The following SLC25A48 variants were observed in gnomAD, a reference collection of about 807,000 sequenced individuals.
SLC25A48 encodes CTC-321K16.1.
In SLC25A48, 29 loss-of-function variants were observed where a neutral mutation model predicts 32.2. The ratio of observed to expected loss-of-function variants is 0.90; its 90% CI spans 0.67 to 1.23. SLC25A48 has a LOEUF of 1.23. Ranked by LOEUF, SLC25A48 falls within the 50% of genes most tolerant of loss-of-function variation. SLC25A48 has a pLI of 0.00. For synonymous variants in SLC25A48, 164 were observed against 172.3 expected (o/e 0.95, Z 0.38); for missense variants, 399 against 422.7 (o/e 0.94, Z 0.49).
At chr5:135,842,296 C>T (rs993699378) in intron 1 of SLC25A48, 120 bp from the exon 2 acceptor site, 3 of 1,015,822 alleles carry the variant, frequency 3.0e-6, no homozygotes, top group Admixed American at 1.7e-5. Flanking sequence ...AGCCCACCCA[C>T]TCCCCCTACC....
intron 3 of SLC25A48, among the ~76,000 whole-genome samples, chr5:135,792,938 A>C (rs1757068600): frequency 6.6e-6 from 1 of 151,636 alleles, no homozygotes; most frequent in African/African-American, 2.4e-5. Flanking sequence ...GAAAGATATT[A>C]TTCATTATGT....
chr5:135,792,890 G>A (rs992111534), intron 3 of SLC25A48, among the ~76,000 whole-genome samples: 1 of 151,644 alleles, frequency 6.6e-6, no homozygotes, highest in Non-Finnish European at 1.5e-5. Context: ...TAATATCACA[G>A]TGGGTGTACA....
intron 1 of SLC25A48, among the ~76,000 whole-genome samples, chr5:135,603,863 G>GGAGGTGA (rs1751864108): frequency 6.6e-6 from 1 of 152,104 alleles, no homozygotes; most frequent in Non-Finnish European, 1.5e-5. Flanking sequence ...CTGTGAAGTG[G>GGAGGTGA]GAGGTGGGAG....
chr5:135,589,035 A>G (rs927832121), intron 1 of SLC25A48, among the ~76,000 whole-genome samples: 24 of 152,214 alleles, frequency 1.6e-4, no homozygotes, highest in Admixed American at 5.2e-4. Context: ...GGAACTTTCC[A>G]TCCTTCCCAG....
At chr5:135,796,362 G>A (rs1757176490) in intron 3 of SLC25A48, among the ~76,000 whole-genome samples, 1 of 151,242 alleles carries the variant, frequency 6.6e-6, no homozygotes, top group South Asian at 2.1e-4. Context: ...ATATCCAGTA[G>A]GGGAGAGTGT....
chr5:135,666,751 T>A (rs934914563), intron 3 of SLC25A48, among the ~76,000 whole-genome samples: 2 of 152,104 alleles, frequency 1.3e-5, no homozygotes, highest in Non-Finnish European at 2.9e-5. Context: ...TTGTAAGGAA[T>A]CTGGGGATCA....
At chr5:135,836,771 A>G (rs1258317970) in intron 1 of SLC25A48, among the ~76,000 whole-genome samples, 1 of 152,138 alleles carries the variant, frequency 6.6e-6, no homozygotes, top group African/African-American at 2.4e-5. Flanking sequence ...GTACCGTTGC[A>G]TCCTTATTTT....
chr5:135,811,499 A>G (rs1407410450), intron 3 of SLC25A48, among the ~76,000 whole-genome samples: 1 of 152,228 alleles, frequency 6.6e-6, no homozygotes, highest in African/African-American at 2.4e-5. Flanking sequence ...CTGTTGTACA[A>G]CATGGTGACC....
chr5:135,584,385 A>G (rs1319955055), intron 1 of SLC25A48, among the ~76,000 whole-genome samples: 5 of 152,238 alleles, frequency 3.3e-5, no homozygotes, highest in Non-Finnish European at 5.9e-5. Flanking sequence ...TTCATCAAAG[A>G]ACATGCATCC....
Position 135,778,383 on chromosome 5 carries a change from G to A in SLC25A48, c.-520-34140G>A, listed in dbSNP as rs547778149. ...AGATGTACACCCCCGATGTGATATC[G>A]TTCCTAATATTCTGAAATGAGAAGA... On this transcript the variant is annotated intron_variant, in intron 3 of 10. Coordinates refer to the SLC25A48 transcript ENST00000646290. Among the ~76,000 whole-genome samples the A allele has an allele frequency of 2.0e-3, 299 of 151,338 alleles. 1 individual carries two copies. The highest frequency in any genetic ancestry group is 6.7e-3 in the African/African-American group (277 of 41,220).
At chr5:135,873,359 G>A (rs1448785256) in intron 5 of SLC25A48, among the ~76,000 whole-genome samples, 1 of 152,182 alleles carries the variant, frequency 6.6e-6, no homozygotes, top group Non-Finnish European at 1.5e-5. Context: ...TTTTCCTAGA[G>A]TTCCTTACCT....
At chr5:135,769,573 A>T (rs1229983991) in intron 3 of SLC25A48, among the ~76,000 whole-genome samples, 2 of 151,494 alleles carry the variant, frequency 1.3e-5, no homozygotes, top group African/African-American at 4.8e-5. Flanking sequence ...GGAGAGAATG[A>T]TCTTACTCTG....
chr5:135,795,663 T>G (rs746787387), intron 3 of SLC25A48, among the ~76,000 whole-genome samples: 9 of 151,610 alleles, frequency 5.9e-5, no homozygotes, highest in Admixed American at 1.3e-4. Context: ...TGGTTCATAA[T>G]ATTCAGGGGG....
At chr5:135,819,750 C>A (rs999264966) in intron 4 of SLC25A48, among the ~76,000 whole-genome samples, 3 of 151,978 alleles carry the variant, frequency 2.0e-5, no homozygotes, top group African/African-American at 4.8e-5. Context: ...TTAATTATAA[C>A]AATAAAGTTA....
chr5:135,776,417 C>G (rs1756562912), intron 3 of SLC25A48, among the ~76,000 whole-genome samples: 1 of 151,582 alleles, frequency 6.6e-6, no homozygotes, highest in Non-Finnish European at 1.5e-5. Flanking sequence ...TGATATTGTT[C>G]CAAATATAAA....
At chr5:135,836,223 G>C (rs1374674266) in intron 1 of SLC25A48, among the ~76,000 whole-genome samples, 2 of 152,134 alleles carry the variant, frequency 1.3e-5, no homozygotes, top group African/African-American at 2.4e-5. Flanking sequence ...ATCCCCAAAC[G>C]TGATAACATG....
intron 3 of SLC25A48, among the ~76,000 whole-genome samples, chr5:135,808,531 T>G (rs1404849601): frequency 6.6e-6 from 1 of 152,102 alleles, no homozygotes; most frequent in Non-Finnish European, 1.5e-5. Flanking sequence ...CCAAATCTTT[T>G]TCATCCATCT....
intron 3 of SLC25A48, among the ~76,000 whole-genome samples, chr5:135,791,521 C>A (rs1479129313): frequency 2.0e-5 from 3 of 151,386 alleles, no homozygotes; most frequent in African/African-American, 7.3e-5. Flanking sequence ...GGGGTGTACA[C>A]CCAGTGATAT....
intron 1 of SLC25A48, among the ~76,000 whole-genome samples, chr5:135,586,149 C>G (rs901407193): frequency 6.6e-6 from 1 of 152,158 alleles, no homozygotes; most frequent in Non-Finnish European, 1.5e-5. Flanking sequence ...GAGATTCAAA[C>G]CCAAGCAATC....
Sources: allele counts gnomAD v4.1 joint callset (sites outside exome capture counted in the v4.1 genomes callset), GRCh38; gene constraint gnomAD v4.1.1; transcripts MANE v1.5; gene names NCBI Gene and HGNC (gene_info 2026-07-23, HGNC 2026-07-21).